Variants in PLB1 observed in about 807,000 individuals in gnomAD.
PLB1 encodes the protein phospholipase B1, membrane-associated.
Under a neutral mutation model 227.4 loss-of-function variants are expected in PLB1, and 242 were observed. The ratio of observed to expected loss-of-function variants is 1.06; its 90% CI spans 0.96 to 1.18. PLB1 has a LOEUF of 1.18. Among genes scored for constraint, PLB1 ranks in the 50% most tolerant of loss-of-function variants. The pLI is 0.00. For missense variants in PLB1, 1,858 were observed against 1,816.3 expected (o/e 1.02, Z -0.42); for synonymous variants, 757 against 682.2 (o/e 1.11, Z -1.71).
chr2:28,629,476 G>A (rs774094559), intron 53 of PLB1, among the ~76,000 whole-genome samples: 7 of 152,202 alleles, frequency 4.6e-5, no homozygotes, highest in Admixed American at 1.3e-4. Flanking sequence ...ACCTTGGCAC[G>A]CTGCTCCCTG....
intron 19 of PLB1, chr2:28,566,428 G>GA (rs1051410602): frequency 8.7e-5 from 17 of 194,768 alleles, no homozygotes; most frequent in African/African-American, 3.3e-4. Flanking sequence ...AGAGAAGAGA[G>GA]AAAAAAATAG....
intron 40 of PLB1, 107 bp from the exon 41 acceptor site, chr2:28,604,548 G>T (rs1043658484): frequency 6.7e-6 from 5 of 747,602 alleles, no homozygotes; most frequent in Non-Finnish European, 1.1e-5. Flanking sequence ...AGGCTGAGTC[G>T]GCCCCTCCAT....
rs181125555 is a variant in PLB1 at position 28,617,682 on chromosome 2, G to C, written c.3196-45G>C. On this transcript the variant is annotated intron_variant, in intron 44 of 57. Transcript: ENST00000327757. Reference sequence around the variant, plus strand: ...TTCTTGGGCTGAAGCTTATCTCCCTGCACAATGAGTGTTGGGCACTGAATC... The same window carrying C: ...TTCTTGGGCTGAAGCTTATCTCCCTCCACAATGAGTGTTGGGCACTGAATC... 1.4e-4 allele frequency: 216 copies of C among 1,588,776 alleles called. No homozygotes were observed. The East Asian group carries it at 4.2e-3, about 31-fold the overall frequency.
At chr2:28,619,925 AC>A (rs2148325861) in intron 46 of PLB1, among the ~76,000 whole-genome samples, 1 of 152,274 alleles carries the variant, frequency 6.6e-6, no homozygotes, top group South Asian at 2.1e-4. Flanking sequence ...AGTAACAGAA[AC>A]TGGAGTCAGT....
rs761348223 is a variant in PLB1 at position 28,573,222 on chromosome 2, C to T, written c.1350C>T (p.Ser450=). The change falls in exon 21 of 58, where the codon TCC becomes TCT. Residue 450 remains serine, a synonymous_variant. Coordinates refer to ENST00000327757, the MANE Select transcript of PLB1 (RefSeq NM_153021.5). ...ACATCCTCCGGGAATTCAACCCTTC[C>T]CTGAAGGGCTTCTCTGTTGGCACTG... ...LANILREFNP[S]LKGFSVGTGK... is the part of the protein sequence containing the mutation. 5 of 1,613,920 alleles carry T rather than the reference C, an allele frequency of 3.1e-6. No homozygotes were observed. In the African/African-American group the frequency reaches 5.3e-5, roughly 17 times the overall value.
chr2:28,613,555 A>G (rs1482251713), intron 43 of PLB1, among the ~76,000 whole-genome samples: 1 of 152,182 alleles, frequency 6.6e-6, no homozygotes, highest in Non-Finnish European at 1.5e-5. Context: ...TACAAGAAAA[A>G]AAAAATGACT....
chr2:28,543,567 G>C (rs1672805740), intron 14 of PLB1, among the ~76,000 whole-genome samples: 1 of 152,240 alleles, frequency 6.6e-6, no homozygotes, highest in Non-Finnish European at 1.5e-5. Context: ...AGACCTGCTT[G>C]AGTCAAGCAC....
intron 4 of PLB1, among the ~76,000 whole-genome samples, chr2:28,524,936 C>G (rs1469216896): frequency 6.6e-6 from 1 of 151,198 alleles, no homozygotes; most frequent in East Asian, 1.9e-4. Context: ...CAACCTCTGC[C>G]TCCTGGGTTC....
chr2:28,628,660 G>C, intron 52 of PLB1, 32 bp downstream of exon 52: 1 of 1,602,896 alleles, frequency 6.2e-7, no homozygotes, highest in East Asian at 2.2e-5. Flanking sequence ...CCTGGGTCCC[G>C]CCAGCCACCT....
In PLB1 at chr2:28,628,564, AG is replaced by A. The variant is rs567871429; in HGVS notation, c.3664del (p.Ala1222ProfsTer70). On this transcript the variant is annotated frameshift_variant and splice_region_variant, in exon 52 of 58. Transcript: ENST00000327757. LOFTEE classifies it high-confidence loss of function. The part of the protein sequence containing the change: ...NDLCHYCENP[E>X]AHLATEYVQH... ...GAGAGTACCCTTTTTTCCTTACAGGAGGCCCACTTGGCCACGGAATATGTTC... is the reference window on the plus strand; with the variant it reads ...GAGAGTACCCTTTTTTCCTTACAGGAGCCCACTTGGCCACGGAATATGTTC... 7.3e-5 allele frequency: 118 copies of A among 1,613,880 alleles called. No individual in the cohort carries two copies. Among genetic ancestry groups the A allele is most frequent in the Middle Eastern group, 3.3e-4 (2 of 6,056 alleles).
chr2:28,611,597 C>T (rs1259331371), intron 43 of PLB1, among the ~76,000 whole-genome samples: 1 of 152,172 alleles, frequency 6.6e-6, no homozygotes, highest in Non-Finnish European at 1.5e-5. Context: ...TTCTCTCTCT[C>T]CTCCTCTCAT....
In PLB1 at chr2:28,529,311, CT is replaced by C. The variant is rs778152493; in HGVS notation, c.326-3del. On this transcript the variant is annotated splice_polypyrimidine_tract_variant and splice_region_variant and intron_variant, in intron 6 of 57. Transcript: ENST00000327757. ...GGCCAGGGCCTCAAACCAGTTCTCT[CT>C]TTAGTCCTTTCAGACATCATCAGAT... 1 of 1,600,860 alleles carries C rather than the reference CT, an allele frequency of 6.2e-7. No individual in the cohort carries two copies. Among genetic ancestry groups the C allele is most frequent in the Non-Finnish European group, 8.6e-7 (1 of 1,168,084 alleles).
At chr2:28,606,598 C>G (rs368120146) in intron 43 of PLB1, 31 bp downstream of exon 43, 4 of 1,600,092 alleles carry the variant, frequency 2.5e-6, no homozygotes, top group Non-Finnish European at 3.4e-6. Context: ...TGGCTCCTCT[C>G]CACAAACCAG....
At chr2:28,559,397 G>A (rs871872) in intron 17 of PLB1, among the ~76,000 whole-genome samples, 41,644 of 152,098 alleles carry the variant, frequency 0.27, 5,968 homozygotes, top group East Asian at 0.53. Context: ...TGCTCTATAT[G>A]TTTTGCACAC....
At chr2:28,636,193 G>A (rs553640406) in intron 56 of PLB1, among the ~76,000 whole-genome samples, 128 of 152,260 alleles carry the variant, frequency 8.4e-4, no homozygotes, top group African/African-American at 2.8e-3. Flanking sequence ...CAAGTAGCTG[G>A]GGTTATAGGT....
At chr2:28,606,370 G>A (rs887867976) in intron 42 of PLB1, 126 bp from the exon 43 acceptor site, 2 of 921,450 alleles carry the variant, frequency 2.2e-6, no homozygotes, top group East Asian at 2.5e-5. Context: ...GGCAGAGCCA[G>A]AAGTGGGAGC....
At chr2:28,577,028 G>T in intron 21 of PLB1, among the ~76,000 whole-genome samples, 1 of 152,166 alleles carries the variant, frequency 6.6e-6, no homozygotes, top group East Asian at 1.9e-4. Context: ...TAATTCAGTG[G>T]TTGCATACTA....
At chr2:28,624,829 C>T (rs1687521464) in intron 49 of PLB1, among the ~76,000 whole-genome samples, 1 of 152,160 alleles carries the variant, frequency 6.6e-6, no homozygotes, top group Admixed American at 6.5e-5. Flanking sequence ...GGATCCCAAC[C>T]CGAGTGGCCG....
intron 18 of PLB1, 150 bp from the exon 19 acceptor site, chr2:28,565,130 A>G (rs540405845): frequency 1.3e-4 from 83 of 629,488 alleles, no homozygotes; most frequent in Admixed American, 4.2e-4. Context: ...GGCAGGATAC[A>G]TATGGAGACA....
Sources: gnomAD v4.1 joint callset for allele counts (sites outside exome capture counted in the v4.1 genomes callset) on GRCh38, gnomAD v4.1.1 for gene constraint, MANE v1.5 for transcripts, NCBI Gene and HGNC (gene_info 2026-07-23, HGNC 2026-07-21) for gene names.